The following TPH2 variants were observed in gnomAD, a reference collection of about 807,000 sequenced individuals.
The protein encoded by TPH2 is tryptophan 5-hydroxylase 2.
TPH2 carries 27 observed loss-of-function variants against 59.1 expected under a neutral mutation model. The observed-to-expected ratio is 0.46, with a 90% CI of 0.34 to 0.63. The LOEUF is 0.63. Ranked by LOEUF, TPH2 falls within the 30% of genes least tolerant of loss-of-function variation. The pLI, the probability that TPH2 is intolerant of heterozygous loss-of-function variation, is 0.01. For missense variants in TPH2, 523 were observed against 588.3 expected, an observed-to-expected ratio of 0.89 and a Z score of 1.15; for synonymous variants, 220 against 210.5, an observed-to-expected ratio of 1.05 and a Z score of -0.39.
chr12:72,024,369 G>C (rs1873511212), intron 9 of TPH2, among the ~76,000 whole-genome samples: 1 of 152,124 alleles, frequency 6.6e-6, no homozygotes, highest in Non-Finnish European at 1.5e-5. Context: ...GAACTGTCTG[G>C]GGTTCACTGG....
At chr12:72,007,038 T>G (rs901421634) in intron 8 of TPH2, among the ~76,000 whole-genome samples, 1 of 152,154 alleles carries the variant, frequency 6.6e-6, no homozygotes, top group Non-Finnish European at 1.5e-5. Context: ...TCTGTGACCT[T>G]GGGTAATCCT....
intron 7 of TPH2, among the ~76,000 whole-genome samples, chr12:71,980,717 C>T (rs1438198238): frequency 6.6e-6 from 1 of 152,040 alleles, no homozygotes; most frequent in Non-Finnish European, 1.5e-5. Context: ...TTGTTAGTTC[C>T]CTTTGAATAA....
rs1256689490 is a variant in TPH2, at chr12:71,964,219, T to C, written c.609-8300T>C. On this transcript the variant is annotated intron_variant, in intron 5 of 10. Transcript: ENST00000333850. ...ATATATACACTTATATATATTAGTA[T>C]ATATATGCTTATTATATATTATATA... The C allele has an allele frequency of 4.0e-5, 2 of 50,552 alleles. 1 individual carries two copies. Among genetic ancestry groups the C allele is most frequent in the Non-Finnish European group, 9.8e-5 (2 of 20,350 alleles). The allele number at this position is 50,552 out of a possible 1,614,324, so 3.1% of individuals were successfully genotyped here. A position where few individuals can be genotyped will look rare whatever the true frequency, so the allele number is the denominator to read the frequency against.
Position 72,011,911 on chromosome 12 carries a change from C to A in TPH2, c.1069-10488C>A, listed in dbSNP as rs188522379. 2.6e-5 allele frequency among the ~76,000 whole-genome samples: 4 copies of A among 152,248 alleles called. No individual in the cohort carries two copies. In the East Asian group the frequency reaches 7.7e-4, roughly 29 times the overall value. ...GCTTAAAGGGAGTAGAGAGAGAGGTCAAAGAGCAGACCTATTTCTAAACCT... is the reference window on the plus strand; with the variant it reads ...GCTTAAAGGGAGTAGAGAGAGAGGTAAAAGAGCAGACCTATTTCTAAACCT... On this transcript the variant is annotated intron_variant, in intron 8 of 10. Transcript: ENST00000333850.
At chr12:71,942,046 G>T (rs540917008) in intron 2 of TPH2, among the ~76,000 whole-genome samples, 16 of 152,186 alleles carry the variant, frequency 1.1e-4, no homozygotes, top group Admixed American at 2.0e-4. Flanking sequence ...GCCAAACAGG[G>T]TATCTTAAGT....
At chr12:71,954,462 G>A (rs1231232494) in intron 5 of TPH2, among the ~76,000 whole-genome samples, 2 of 151,956 alleles carry the variant, frequency 1.3e-5, no homozygotes, top group East Asian at 1.9e-4. Flanking sequence ...CTCCTCCCCC[G>A]CCCAAATAAA....
chr12:71,992,894 CT>C (rs1184982540), intron 7 of TPH2, among the ~76,000 whole-genome samples: 3 of 152,296 alleles, frequency 2.0e-5, no homozygotes, highest in South Asian at 2.1e-4. Context: ...TTAAATGCCC[CT>C]ATACCCTAAA....
chr12:71,975,358 GAACA>G (rs906487383), intron 6 of TPH2, among the ~76,000 whole-genome samples: 2 of 152,014 alleles, frequency 1.3e-5, no homozygotes, highest in African/African-American at 2.4e-5. Context: ...ACAAACAAAT[GAACA>G]AACAAACAAA....
At chr12:71,940,607 C>G (rs978863085) in intron 1 of TPH2, among the ~76,000 whole-genome samples, 1 of 152,164 alleles carries the variant, frequency 6.6e-6, no homozygotes, top group Non-Finnish European at 1.5e-5. Flanking sequence ...GAATATAAAA[C>G]AGACCACATA....
In TPH2 at chr12:71,995,697, C is replaced by T. The variant is rs575994522; in HGVS notation, c.1068+1132C>T. On this transcript the variant is annotated intron_variant, in intron 8 of 10. Transcript: ENST00000333850. ...GCTGTGGTGGACAAGGACAGCATGT[C>T]TCTTGTATAGCAGGTTCTCAGCTTT... Among the ~76,000 whole-genome samples, 161 of 152,246 alleles carry T rather than the reference C, an allele frequency of 1.1e-3. 1 individual carries two copies. Among genetic ancestry groups the T allele is most frequent in the African/African-American group, 3.7e-3 (152 of 41,546 alleles).
chr12:72,001,824 C>CT (rs576272406), intron 8 of TPH2, among the ~76,000 whole-genome samples: 529 of 144,710 alleles, frequency 3.7e-3, no homozygotes, highest in Admixed American at 7.1e-3. Flanking sequence ...TTAATAGTGG[C>CT]TTTTTTTTTT....
In TPH2 at chr12:71,955,110, G is replaced by A. The variant is rs530729115; in HGVS notation, c.608+5455G>A. ...AATAGGCAACTACAACTGTCAATAG[G>A]TAAGGTAAACAAGAGAGTTTCAACA... On this transcript the variant is annotated intron_variant, in intron 5 of 10. Coordinates refer to ENST00000333850, the MANE Select transcript of TPH2 (RefSeq NM_173353.4). Among the ~76,000 whole-genome samples the A allele has an allele frequency of 1.3e-4, 20 of 152,276 alleles. No homozygotes were observed. In the East Asian group the frequency reaches 3.7e-3, roughly 28 times the overall value.
intron 8 of TPH2, among the ~76,000 whole-genome samples, chr12:71,999,967 G>A (rs1566152839): frequency 6.6e-6 from 1 of 152,200 alleles, no homozygotes; most frequent in Non-Finnish European, 1.5e-5. Flanking sequence ...AGCTATTACA[G>A]TGTTCAGTAG....
Position 72,031,397 on chromosome 12 carries a change from CT to C in TPH2, c.1298+14del, listed in dbSNP as rs750480640. 1.7e-5 allele frequency: 28 copies of C among 1,613,396 alleles called. No homozygotes were observed. In the Admixed American group the frequency reaches 1.8e-4, roughly 11 times the overall value. The stretch of plus-strand genomic sequence containing the variant: ...GAAGCCAAAGAAAAGATGAGGTAAA[CT>C]TTTTTTTCCTCCTAGCTAGAGAAAA... On this transcript the variant is annotated splice_region_variant and intron_variant, in intron 10 of 10. Coordinates refer to ENST00000333850, the MANE Select transcript of TPH2 (RefSeq NM_173353.4).
intron 4 of TPH2, 100 bp downstream of exon 4, chr12:71,944,786 C>T: frequency 1.8e-6 from 2 of 1,092,838 alleles, no homozygotes; most frequent in South Asian, 2.5e-5. Context: ...TATTATAGAA[C>T]AATTTATTAT....
At chr12:72,016,023 G>T (rs142581757) in intron 8 of TPH2, among the ~76,000 whole-genome samples, 3 of 152,190 alleles carry the variant, frequency 2.0e-5, no homozygotes, top group Non-Finnish European at 4.4e-5. Context: ...TTACTGATAA[G>T]AAAAGAATGC....
intron 9 of TPH2, among the ~76,000 whole-genome samples, chr12:72,025,859 T>A (rs548054114): frequency 2.7e-4 from 41 of 152,354 alleles, no homozygotes; most frequent in Admixed American, 4.6e-4. Context: ...CCTGAGTTGA[T>A]CTAACTATAT....
At position 71,956,735 on chromosome 12, in the gene TPH2, G is replaced by A. The variant is rs188187641; in HGVS notation, c.608+7080G>A. Among the ~76,000 whole-genome samples, 38 of 151,912 alleles carry A rather than the reference G, an allele frequency of 2.5e-4. No homozygotes were observed. The East Asian group carries it at 7.2e-3, about 29-fold the overall frequency. ...GGTGATCCTCCTGCCTCAGCCTCCC[G>A]AGTAGCTGGGACCACAGGTGCATGC... On this transcript the variant is annotated intron_variant, in intron 5 of 10. Transcript: ENST00000333850.
At chr12:71,991,042 T>A (rs1872569919) in intron 7 of TPH2, among the ~76,000 whole-genome samples, 1 of 152,244 alleles carries the variant, frequency 6.6e-6, no homozygotes, top group Admixed American at 6.5e-5. Flanking sequence ...GTAGTTAGAT[T>A]ACTTTGTCAT....
Sources: gnomAD v4.1 joint callset for allele counts (sites outside exome capture counted in the v4.1 genomes callset) on GRCh38, gnomAD v4.1.1 for gene constraint, MANE v1.5 for transcripts, NCBI Gene and HGNC (gene_info 2026-07-23, HGNC 2026-07-21) for gene names.